The following ARHGEF12 variants were observed in gnomAD, a reference collection of about 807,000 sequenced individuals.
The protein encoded by ARHGEF12 is KMT2A/ARHGEF12 fusion protein.
A neutral mutation model predicts 211.2 loss-of-function variants in ARHGEF12; 66 were observed. That is an observed-to-expected ratio of 0.31 (90% CI 0.26 to 0.38). The LOEUF is 0.38. Ranked by LOEUF, ARHGEF12 falls within the 10% of genes least tolerant of loss-of-function variation. The pLI is 1.00. For missense variants in ARHGEF12, 1,429 were observed against 1,869.5 expected (o/e 0.76, Z 4.34); for synonymous variants, 592 against 638.4 (o/e 0.93, Z 1.09).
rs1946210849 is a variant in ARHGEF12, at chr11:120,451,438, A to G, written c.1844-74A>G. 4.8e-6 allele frequency: 7 copies of G among 1,469,782 alleles called. No individual in the cohort carries two copies. In the South Asian group the frequency reaches 8.4e-5, roughly 18 times the overall value. 91.0% of individuals were successfully genotyped at this position (1,469,782 alleles called of 1,614,324 possible). On this transcript the variant is annotated intron_variant, in intron 21 of 40. Coordinates refer to ENST00000397843, the MANE Select transcript of ARHGEF12 (RefSeq NM_015313.3). ...ATGATTCGCCCACCTTGGCCTCCCAAAGTGTTGGGATTATAGGCTTGAGCC... is the reference window on the plus strand; with the variant it reads ...ATGATTCGCCCACCTTGGCCTCCCAGAGTGTTGGGATTATAGGCTTGAGCC...
chr11:120,479,685 A>G (rs2136000917), intron 37 of ARHGEF12, among the ~76,000 whole-genome samples: 1 of 152,328 alleles, frequency 6.6e-6, no homozygotes, highest in African/African-American at 2.4e-5. Flanking sequence ...TCTAAATAGT[A>G]GTATCTCCCT....
intron 31 of ARHGEF12, 24 bp from the exon 32 acceptor site, chr11:120,474,536 G>A: frequency 6.4e-7 from 1 of 1,558,994 alleles, no homozygotes. Context: ...AATTATTTGT[G>A]CATGATTTTC....
At chr11:120,354,219 C>T (rs1943071230) in intron 1 of ARHGEF12, among the ~76,000 whole-genome samples, 1 of 152,110 alleles carries the variant, frequency 6.6e-6, no homozygotes. Flanking sequence ...TCCCAGTCGG[C>T]CCAATTACAG....
chr11:120,414,994 A>C (rs1253049339), intron 4 of ARHGEF12, among the ~76,000 whole-genome samples: 1 of 152,234 alleles, frequency 6.6e-6, no homozygotes, highest in Admixed American at 6.5e-5. Context: ...GGCATATAGC[A>C]CATATCAAAG....
intron 4 of ARHGEF12, chr11:120,410,993 A>G (rs1436338865): frequency 6.6e-6 from 1 of 152,132 alleles, no homozygotes; most frequent in East Asian, 1.9e-4. Flanking sequence ...TGCGATGTGT[A>G]TTTAGAAGCT....
At chr11:120,429,919 T>C (rs1267817415) in intron 10 of ARHGEF12, 88 bp downstream of exon 10, 2 of 1,452,602 alleles carry the variant, frequency 1.4e-6, no homozygotes, top group Non-Finnish European at 1.9e-6. Context: ...GTTGCCTTTT[T>C]TAAAGTTATT....
intron 18 of ARHGEF12, chr11:120,447,366 G>A (rs1181251754): frequency 1.3e-5 from 4 of 315,022 alleles, no homozygotes; most frequent in Non-Finnish European, 2.3e-5. Context: ...CAATTTATAG[G>A]CCTTGGAAAT....
chr11:120,470,888 T>C (rs906363358), intron 30 of ARHGEF12, among the ~76,000 whole-genome samples: 2 of 152,190 alleles, frequency 1.3e-5, no homozygotes, highest in African/African-American at 4.8e-5. Flanking sequence ...CTACTTTTGT[T>C]CCAAAACAGT....
chr11:120,388,532 A>C (rs1159084804), intron 1 of ARHGEF12, among the ~76,000 whole-genome samples: 1 of 152,194 alleles, frequency 6.6e-6, no homozygotes, highest in Non-Finnish European at 1.5e-5. Flanking sequence ...TTAACTCTTT[A>C]AGAAATTGCC....
In ARHGEF12 at chr11:120,483,906, G is replaced by T. The variant is rs531852872; in HGVS notation, c.4555-532G>T. On this transcript the variant is annotated intron_variant, in intron 39 of 40. Coordinates refer to ENST00000397843, the MANE Select transcript of ARHGEF12 (RefSeq NM_015313.3). Reference sequence around the variant, plus strand: ...TGGGATTACAGGCGTGAGCCACCGCGCCCAGTCCCAGCTAATTTTTATAAT... The same window carrying T: ...TGGGATTACAGGCGTGAGCCACCGCTCCCAGTCCCAGCTAATTTTTATAAT... Among the ~76,000 whole-genome samples the T allele has an allele frequency of 3.3e-5, 5 of 152,152 alleles. No individual in the cohort carries two copies. In the South Asian group the frequency reaches 1.0e-3, roughly 32 times the overall value.
At chr11:120,358,739 G>A (rs1407465448) in intron 1 of ARHGEF12, among the ~76,000 whole-genome samples, 3 of 152,164 alleles carry the variant, frequency 2.0e-5, no homozygotes, top group African/African-American at 2.4e-5. Context: ...ATCATAGAAC[G>A]TTTTAAATTA....
intron 28 of ARHGEF12, 61 bp from the exon 29 acceptor site, chr11:120,467,133 C>T (rs1946725804): frequency 1.8e-6 from 2 of 1,090,052 alleles, no homozygotes; most frequent in African/African-American, 3.1e-5. Flanking sequence ...ACGGTGAATA[C>T]ATGGTACATG....
At chr11:120,442,842 C>T (rs1426488807) in intron 15 of ARHGEF12, among the ~76,000 whole-genome samples, 2 of 151,782 alleles carry the variant, frequency 1.3e-5, no homozygotes, top group Non-Finnish European at 2.9e-5. Context: ...CATGCTTTTT[C>T]CCTCCTAAAA....
chr11:120,376,529 A>G (rs1018625391), intron 1 of ARHGEF12, among the ~76,000 whole-genome samples: 1 of 152,164 alleles, frequency 6.6e-6, no homozygotes, highest in South Asian at 2.1e-4. Context: ...TTTTATGGGC[A>G]TAAGTATTTA....
At chr11:120,393,767 A>G (rs896169467) in intron 1 of ARHGEF12, among the ~76,000 whole-genome samples, 6 of 152,202 alleles carry the variant, frequency 3.9e-5, no homozygotes, top group Admixed American at 6.5e-5. Flanking sequence ...AAAGTAGATA[A>G]AGTAAGCAAG....
intron 1 of ARHGEF12, among the ~76,000 whole-genome samples, chr11:120,374,897 G>A (rs1229576259): frequency 6.6e-6 from 1 of 152,046 alleles, no homozygotes; most frequent in Non-Finnish European, 1.5e-5. Context: ...CAGGTATTCT[G>A]TACTTTGAAA....
chr11:120,407,917 T>TA, intron 3 of ARHGEF12, 94 bp downstream of exon 3: 1 of 1,104,160 alleles, frequency 9.1e-7, no homozygotes, highest in Non-Finnish European at 1.3e-6. Context: ...GAATAGTTGT[T>TA]TGATCTGTTT....
chr11:120,424,457 C>T lies in ARHGEF12; in HGVS notation c.406+42C>T, dbSNP rs114941010. ...CTTAGTTTTAATTGTTTTCTGAAAC[C>T]CTTAAAGTAAGGAGCAGCAAATTTC... On this transcript the variant is annotated intron_variant, in intron 7 of 40. Coordinates refer to ENST00000397843, the MANE Select transcript of ARHGEF12 (RefSeq NM_015313.3). The T allele has an allele frequency of 8.1e-4, 1,274 of 1,577,240 alleles. 14 individuals carry two copies. The African/African-American group carries it at 0.016, about 20-fold the overall frequency.
intron 6 of ARHGEF12, among the ~76,000 whole-genome samples, chr11:120,422,223 C>T (rs1945213684): frequency 6.6e-6 from 1 of 152,192 alleles, no homozygotes; most frequent in Non-Finnish European, 1.5e-5. Flanking sequence ...ACCAACATGA[C>T]ACCATGAATG....
Sources: allele counts gnomAD v4.1 joint callset (sites outside exome capture counted in the v4.1 genomes callset), GRCh38; gene constraint gnomAD v4.1.1; transcripts MANE v1.5; gene names NCBI Gene and HGNC (gene_info 2026-07-23, HGNC 2026-07-21).